CDC27: variants seen among roughly 807,000 people sequenced by gnomAD.
The protein encoded by CDC27 is cell division cycle protein 27 homolog.
In CDC27, 27 loss-of-function variants were observed where a neutral mutation model predicts 109.7. The observed-to-expected ratio is 0.25, with a 90% CI of 0.18 to 0.34. The LOEUF is 0.34. Ranked by LOEUF, CDC27 falls within the 10% of genes least tolerant of loss-of-function variation. The pLI, the probability that CDC27 is intolerant of heterozygous loss-of-function variation, is 1.00. For synonymous variants in CDC27, 266 were observed against 333.9 expected, an observed-to-expected ratio of 0.80 and a Z score of 2.22; for missense variants, 579 against 960.2, an observed-to-expected ratio of 0.60 and a Z score of 5.25.
intron 4 of CDC27, among the ~76,000 whole-genome samples, chr17:47,168,630 A>C (rs2063720312): frequency 6.6e-6 from 1 of 152,180 alleles, no homozygotes; most frequent in South Asian, 2.1e-4. Context: ...GAAGAATCAT[A>C]GTTTCATGAA....
chr17:47,180,128 A>C (rs1403762265), intron 2 of CDC27, among the ~76,000 whole-genome samples: 3 of 152,170 alleles, frequency 2.0e-5, no homozygotes, highest in Non-Finnish European at 2.9e-5. Flanking sequence ...ATTCTGACTC[A>C]ACAAAAATTT....
rs781555306 is a variant in CDC27 at position 47,143,936 on chromosome 17, C to T, written c.1117G>A (p.Ala373Thr). 5.4e-5 allele frequency: 80 copies of T among 1,492,718 alleles called. No homozygotes were observed. The highest frequency in any genetic ancestry group is 7.0e-5 in the Non-Finnish European group (78 of 1,114,284). The allele number at this position is 1,492,718 out of a possible 1,614,324, so 92.5% of individuals were successfully genotyped here. The change falls in exon 10 of 19, where the codon GCA becomes ACA. Residue 373 changes from alanine to threonine, a missense_variant. Physicochemically the swap from Ala to Thr is moderately conservative, Grantham distance 58. Around this residue, in one of 9 missense-constraint regions of CDC27, gnomAD observed 51 missense variants for 43.8 expected, o/e 1.16. Transcript: ENST00000066544. ...AGTCGTGAACTTCTTCGAGGCAGTG[C>T]GTTTGGGGGAGATGTAATAGTGGGG... is the stretch of plus-strand genomic sequence containing the variant. ...LSPTITSPPN[A>T]LPRRSSRLFT... is the part of the protein sequence containing the mutation.
chr17:47,148,255 T>C (rs2063040290), intron 9 of CDC27, among the ~76,000 whole-genome samples: 1 of 146,068 alleles, frequency 6.8e-6, no homozygotes, highest in Non-Finnish European at 1.5e-5. Flanking sequence ...GAAAGACAAA[T>C]GTCTGCAATA....
intron 7 of CDC27, 77 bp downstream of exon 7, chr17:47,156,836 C>T (rs2061912479): frequency 2.0e-6 from 1 of 500,418 alleles, no homozygotes; most frequent in Admixed American, 3.5e-5. Context: ...TTGTAATAAT[C>T]TGCATTACTA....
intron 12 of CDC27, 86 bp from the exon 13 acceptor site, chr17:47,138,977 G>T: frequency 3.6e-6 from 3 of 841,498 alleles, no homozygotes; most frequent in South Asian, 1.9e-5. Flanking sequence ...TATCTTCACA[G>T]GATCTAAATG....
chr17:47,133,027 A>G (rs2062414813), intron 14 of CDC27, among the ~76,000 whole-genome samples: 1 of 36,270 alleles, frequency 2.8e-5, no homozygotes, highest in African/African-American at 7.6e-5. Context: ...ATATATATAT[A>G]TACACACACA....
At chr17:47,161,849 T>C (rs952321570) in intron 4 of CDC27, 1 of 152,154 alleles carries the variant, frequency 6.6e-6, no homozygotes, top group Non-Finnish European at 1.5e-5. Context: ...TTTTTTTTTT[T>C]TCTTCTTGTA....
chr17:47,120,403 T>G lies in CDC27; in HGVS notation c.*532A>C, dbSNP rs891649655. The G allele has an allele frequency of 6.5e-6, 1 of 153,354 alleles. No individual in the cohort carries two copies. Among genetic ancestry groups the G allele is most frequent in the Non-Finnish European group, 1.5e-5 (1 of 68,578 alleles). 9.5% of individuals were successfully genotyped at this position (153,354 alleles called of 1,614,324 possible). A position where few individuals can be genotyped will look rare whatever the true frequency, so the allele number is the denominator to read the frequency against. On this transcript the variant is annotated 3_prime_UTR_variant, in exon 19 of 19. Coordinates refer to ENST00000066544, the MANE Select transcript of CDC27 (RefSeq NM_001256.6). ...ATTTGTTTATGGGAGATACTGCAAG[T>G]TTAAGGTAATTTACATTCCTTGGCA... is the stretch of plus-strand genomic sequence containing the variant.
In CDC27 at chr17:47,188,839, C is replaced by T. The variant is rs2064555459; in HGVS notation, c.27+307G>A. ...GGGGTGCATTTTCGGCCCCTCATCTCCCACCCCCAGTCAAGCCAGGCCCCT... is the reference window on the plus strand; with the variant it reads ...GGGGTGCATTTTCGGCCCCTCATCTTCCACCCCCAGTCAAGCCAGGCCCCT... On this transcript the variant is annotated intron_variant, in intron 1 of 18. Transcript: ENST00000066544. The T allele has an allele frequency of 3.9e-6, 5 of 1,276,180 alleles. No individual in the cohort carries two copies. In the Admixed American group the frequency reaches 1.3e-4, roughly 34 times the overall value. The allele number at this position is 1,276,180 out of a possible 1,614,324, so 79.1% of individuals were successfully genotyped here. A position where few individuals can be genotyped will look rare whatever the true frequency, so the allele number is the denominator to read the frequency against.
chr17:47,129,901 T>G (rs1003984212), intron 15 of CDC27, among the ~76,000 whole-genome samples: 4 of 152,190 alleles, frequency 2.6e-5, no homozygotes, highest in Non-Finnish European at 5.9e-5. Flanking sequence ...TGGTGTTCTA[T>G]TCATAAAAAA....
chr17:47,169,264 TACAG>T (rs2063739620), intron 4 of CDC27, among the ~76,000 whole-genome samples: 1 of 152,100 alleles, frequency 6.6e-6, no homozygotes. Context: ...GTGTTGAGAT[TACAG>T]GCGTGAGACA....
At chr17:47,178,227 A>G (rs1200918763) in intron 2 of CDC27, among the ~76,000 whole-genome samples, 1 of 152,090 alleles carries the variant, frequency 6.6e-6, no homozygotes, top group East Asian at 1.9e-4. Context: ...AGAGTGTATC[A>G]TATCTAATAA....
rs539804101 is a variant in CDC27 at position 47,138,852 on chromosome 17, A to G, written c.1591T>C (p.Tyr531His). The change falls in exon 13 of 19, where the codon TAT (tyrosine) becomes CAT (histidine). Residue 531 changes from tyrosine to histidine, a missense_variant. Tyr to His is a moderately conservative substitution (Grantham distance 83). Around this residue, in one of 9 missense-constraint regions of CDC27, gnomAD observed 227 missense variants for 363.6 expected, o/e 0.62. Coordinates refer to ENST00000066544, the MANE Select transcript of CDC27 (RefSeq NM_001256.6). ...IFSEVRRIEN[Y>H]RVEGMEIYST... ...TAGATCTCCATGCCTTCAACTCTAT[A>G]ATTCTCAATCCTTCTAACCTCTGAG... 1.2e-6 allele frequency: 2 copies of G among 1,605,540 alleles called. No homozygotes were observed. The highest frequency in any genetic ancestry group is 1.7e-6 in the Non-Finnish European group (2 of 1,174,598).
chr17:47,131,843 A>AT (rs67963569), intron 15 of CDC27, among the ~76,000 whole-genome samples: 3 of 28,710 alleles, frequency 1.0e-4, no homozygotes, highest in Non-Finnish European at 5.8e-5. Context: ...TAATTTTTAA[A>AT]TTTTTTTTGT....
In CDC27 at chr17:47,129,481, G is replaced by A; in HGVS notation, c.2072C>T (p.Thr691Ile). 1 of 1,605,052 alleles carries A rather than the reference G, an allele frequency of 6.2e-7. No homozygotes were observed. Among genetic ancestry groups the A allele is most frequent in the Non-Finnish European group, 8.5e-7 (1 of 1,172,194 alleles). Residue 691 changes from threonine (T) to isoleucine (I), a missense_variant, in exon 16 of 19, where the codon ACC becomes ATC. Physicochemically the swap from Thr to Ile is moderately conservative, Grantham distance 89. Around this residue, in one of 9 missense-constraint regions of CDC27, gnomAD observed 227 missense variants for 363.6 expected, o/e 0.62. Transcript: ENST00000066544. ...ALKKSEKALD[T>I]LNKAIVIDPK... The stretch of plus-strand genomic sequence containing the variant: ...ATCAATGACAATGGCTTTGTTTAGG[G>A]TATCCAAAGCCTTCTCTGATTTTTT...
In CDC27 at chr17:47,156,300, G is replaced by A. The variant is rs546498400; in HGVS notation, c.842+613C>T. On this transcript the variant is annotated intron_variant, in intron 7 of 18. Coordinates refer to ENST00000066544, the MANE Select transcript of CDC27 (RefSeq NM_001256.6). ...TCTACAGGCGCGTGCCACCACACCC[G>A]GCTAGTTTTTTGTATTTTTAGTAGA... is the stretch of plus-strand genomic sequence containing the variant. Among the ~76,000 whole-genome samples, 8 of 150,794 alleles carry A rather than the reference G, an allele frequency of 5.3e-5. No homozygotes were observed. The South Asian group carries it at 1.0e-3, about 20-fold the overall frequency.
chr17:47,124,317 T>C (rs1396756711), intron 16 of CDC27, among the ~76,000 whole-genome samples: 1 of 152,082 alleles, frequency 6.6e-6, no homozygotes, highest in Non-Finnish European at 1.5e-5. Flanking sequence ...GGAGTCTCGC[T>C]CTGTCGCCCA....
At chr17:47,163,774 C>T (rs1411933103) in intron 4 of CDC27, among the ~76,000 whole-genome samples, 1 of 152,014 alleles carries the variant, frequency 6.6e-6, no homozygotes, top group African/African-American at 2.4e-5. Flanking sequence ...GTTTCTTTTG[C>T]TTTTTTTGAG....
rs796685691 is a variant in CDC27 at position 47,141,890 on chromosome 17, A to G, written c.1514T>C (p.Ile505Thr). Reference sequence around the variant, plus strand: ...TGAAAGTTCAAAATAGGCCCTTCCAATTTGGCACAGTACCCAACCAGTATT... The same window carrying G: ...TGAAAGTTCAAAATAGGCCCTTCCAGTTTGGCACAGTACCCAACCAGTATT... ...HYNTGWVLCQ[I>T]GRAYFELSEY... Residue 505 changes from isoleucine to threonine, a missense_variant, in exon 12 of 19, where the codon ATT (isoleucine) becomes ACT (threonine). Physicochemically the swap from Ile to Thr is moderately conservative, Grantham distance 89. Around this residue, in one of 9 missense-constraint regions of CDC27, gnomAD observed 4 missense variants for 25.7 expected, o/e 0.16. Coordinates refer to ENST00000066544, the MANE Select transcript of CDC27 (RefSeq NM_001256.6). 1.9e-6 allele frequency: 3 copies of G among 1,599,584 alleles called. No individual in the cohort carries two copies. Among genetic ancestry groups the G allele is most frequent in the East Asian group, 2.3e-5 (1 of 44,224 alleles).
Sources: gnomAD v4.1 joint callset for allele counts (sites outside exome capture counted in the v4.1 genomes callset) on GRCh38, gnomAD v4.1.1 for gene constraint, gnomAD v4.1.1 regional missense constraint, MANE v1.5 for transcripts, NCBI Gene and HGNC (gene_info 2026-07-23, HGNC 2026-07-21) for gene names.